ANKRD44: variants seen among roughly 807,000 people sequenced by gnomAD.
The protein encoded by ANKRD44 is ankyrin repeat domain 44, also known as serine/threonine-protein phosphatase 6 regulatory ankyrin repeat subunit B.
A neutral mutation model predicts 116.0 loss-of-function variants in ANKRD44; 35 were observed. That is an observed-to-expected ratio of 0.30 (90% CI 0.23 to 0.40). The LOEUF (loss-of-function observed/expected upper bound fraction) is 0.40, where lower values mean the gene tolerates loss of function less well. Ranked by LOEUF, ANKRD44 falls within the 10% of genes least tolerant of loss-of-function variation. The pLI is 1.00. For missense variants in ANKRD44, 1,014 were observed against 1,242.6 expected (o/e 0.82, Z 2.77); for synonymous variants, 435 against 461.8 (o/e 0.94, Z 0.74).
At chr2:197,263,124 C>A (rs947610245) in intron 1 of ANKRD44, 16 of 480,312 alleles carry the variant, frequency 3.3e-5, no homozygotes, top group Non-Finnish European at 5.6e-5. Context: ...TACACCTGCT[C>A]CAAGTTCGTC....
At chr2:197,170,402 C>T (rs2080204785) in intron 2 of ANKRD44, among the ~76,000 whole-genome samples, 1 of 152,118 alleles carries the variant, frequency 6.6e-6, no homozygotes, top group Non-Finnish European at 1.5e-5. Flanking sequence ...CCTTTCTTTC[C>T]CTCCTAAACA....
chr2:197,043,494 C>A (rs1230998544), intron 16 of ANKRD44, among the ~76,000 whole-genome samples: 1 of 152,178 alleles, frequency 6.6e-6, no homozygotes, highest in Non-Finnish European at 1.5e-5. Flanking sequence ...AAGCATGAGC[C>A]ACCCTGACGA....
At chr2:196,971,128 CA>C (rs2075712609) in intron 21 of ANKRD44, among the ~76,000 whole-genome samples, 2 of 152,164 alleles carry the variant, frequency 1.3e-5, no homozygotes. Flanking sequence ...AACATTATGT[CA>C]TGCACATCTT....
intron 1 of ANKRD44, among the ~76,000 whole-genome samples, chr2:197,220,344 A>G (rs548494148): frequency 1.1e-4 from 17 of 152,352 alleles, no homozygotes; most frequent in Middle Eastern, 3.4e-3. Flanking sequence ...ACTAGCCACT[A>G]TGATGTTCTT....
intron 16 of ANKRD44, among the ~76,000 whole-genome samples, chr2:197,073,327 C>A (rs2077598856): frequency 6.6e-6 from 1 of 152,182 alleles, no homozygotes; most frequent in East Asian, 1.9e-4. Flanking sequence ...GACCTTCCTG[C>A]TGGTAACTTA....
chr2:197,274,020 T>G (rs1391472887), intron 1 of ANKRD44, among the ~76,000 whole-genome samples: 15 of 82,452 alleles, frequency 1.8e-4, no homozygotes, highest in East Asian at 4.2e-4. Flanking sequence ...TATATATATA[T>G]ATATATATGA....
At chr2:197,286,376 T>C (rs2083407469) in intron 1 of ANKRD44, among the ~76,000 whole-genome samples, 1 of 89,652 alleles carries the variant, frequency 1.1e-5, no homozygotes, top group East Asian at 4.1e-4. Flanking sequence ...CTACTTTTTT[T>C]TTTCTTTTTT....
intron 8 of ANKRD44, among the ~76,000 whole-genome samples, chr2:197,116,918 G>A (rs910264462): frequency 3.2e-4 from 49 of 152,060 alleles, no homozygotes; most frequent in Non-Finnish European, 1.2e-4. Context: ...TCCTCCTGAC[G>A]TCTTTCTTAA....
rs1352917621 is a variant in ANKRD44 at position 197,233,713 on chromosome 2, C to A, written c.28-46607G>T. Among the ~76,000 whole-genome samples the A allele has an allele frequency of 2.0e-5, 3 of 152,146 alleles. No individual in the cohort carries two copies. The East Asian group carries it at 5.8e-4, about 29-fold the overall frequency. On this transcript the variant is annotated intron_variant, in intron 1 of 27. Coordinates refer to ENST00000282272, the MANE Select transcript of ANKRD44 (RefSeq NM_001195144.2). Reference sequence around the variant, plus strand: ...ATAGCTCAAGTTTAACCTCAGTCACCTTTTGCCAAGAAAAAACAATGCAAG... The same window carrying A: ...ATAGCTCAAGTTTAACCTCAGTCACATTTTGCCAAGAAAAAACAATGCAAG...
intron 16 of ANKRD44, among the ~76,000 whole-genome samples, chr2:197,032,401 T>C (rs2076724019): frequency 6.6e-6 from 1 of 151,476 alleles, no homozygotes; most frequent in African/African-American, 2.4e-5. Flanking sequence ...TTTTTTTTTT[T>C]TTTTTGAGAT....
chr2:197,117,629 C>T (rs2078744778), intron 8 of ANKRD44, among the ~76,000 whole-genome samples: 1 of 152,038 alleles, frequency 6.6e-6, no homozygotes, highest in South Asian at 2.1e-4. Context: ...CTCGGCCTCC[C>T]AAAGTGCTGG....
intron 7 of ANKRD44, among the ~76,000 whole-genome samples, chr2:197,122,006 ACT>A (rs548570887): frequency 3.8e-4 from 57 of 151,544 alleles, no homozygotes; most frequent in South Asian, 2.5e-3. Flanking sequence ...GTCAGAATCC[ACT>A]CTCTGTTTTG....
At chr2:197,036,488 A>T (rs1275206390) in intron 16 of ANKRD44, among the ~76,000 whole-genome samples, 4 of 152,096 alleles carry the variant, frequency 2.6e-5, no homozygotes, top group African/African-American at 9.7e-5. Context: ...CGAACTCCTG[A>T]CCTCAAATGA....
chr2:197,008,148 T>C lies in ANKRD44; in HGVS notation c.2013-225A>G, dbSNP rs192337983. Among the ~76,000 whole-genome samples, 4 of 152,304 alleles carry C rather than the reference T, an allele frequency of 2.6e-5. No individual in the cohort carries two copies. In the East Asian group the frequency reaches 5.8e-4, roughly 22 times the overall value. On this transcript the variant is annotated intron_variant, in intron 19 of 27. Coordinates refer to ENST00000282272, the MANE Select transcript of ANKRD44 (RefSeq NM_001195144.2). ...TTGTTAGTGGAATGATCCCTAGGGA[T>C]GAGGCAGGGGAAGCTTCCTTTTCAA...
At chr2:197,130,496 G>A (rs2079070969) in intron 4 of ANKRD44, among the ~76,000 whole-genome samples, 2 of 152,102 alleles carry the variant, frequency 1.3e-5, no homozygotes, top group Admixed American at 1.3e-4. Context: ...GCAAATTTCT[G>A]GGCCTAACCA....
chr2:196,970,599 C>A (rs939599550), intron 21 of ANKRD44, among the ~76,000 whole-genome samples: 1 of 152,064 alleles, frequency 6.6e-6, no homozygotes, highest in Non-Finnish European at 1.5e-5. Flanking sequence ...ACCCACCCCC[C>A]CAATCCTTAT....
intron 16 of ANKRD44, among the ~76,000 whole-genome samples, chr2:197,043,494 C>T (rs1230998544): frequency 6.6e-6 from 1 of 152,178 alleles, no homozygotes; most frequent in Non-Finnish European, 1.5e-5. Context: ...AAGCATGAGC[C>T]ACCCTGACGA....
At chr2:197,066,627 G>A (rs2077438828) in intron 16 of ANKRD44, among the ~76,000 whole-genome samples, 1 of 152,120 alleles carries the variant, frequency 6.6e-6, no homozygotes, top group South Asian at 2.1e-4. Context: ...AAAATCACAA[G>A]CATTCTTATA....
chr2:197,045,981 G>T (rs2076994547), intron 16 of ANKRD44, among the ~76,000 whole-genome samples: 2 of 152,138 alleles, frequency 1.3e-5, no homozygotes, highest in Admixed American at 6.5e-5. Flanking sequence ...ATTTCAGTAT[G>T]TACTCTACTA....
Sources: allele counts gnomAD v4.1 joint callset (sites outside exome capture counted in the v4.1 genomes callset), GRCh38; gene constraint gnomAD v4.1.1; transcripts MANE v1.5; gene names NCBI Gene and HGNC (gene_info 2026-07-23, HGNC 2026-07-21).